HEPH: variants seen among roughly 807,000 people sequenced by gnomAD.
HEPH encodes the protein hephaestin.
In HEPH, 69 loss-of-function variants were observed where a neutral mutation model predicts 80.8. The observed-to-expected ratio is 0.85, with a 90% CI of 0.70 to 1.04. The LOEUF (loss-of-function observed/expected upper bound fraction) is 1.04. HEPH is among the 50% of genes least tolerant of loss of function. HEPH has a pLI of 0.00. For synonymous variants in HEPH, 431 were observed against 322.8 expected, an observed-to-expected ratio of 1.34 and a Z score of -3.60; for missense variants, 1,115 against 891.3, an observed-to-expected ratio of 1.25 and a Z score of -3.20.
chrX:66,226,211 G>C (rs1408907784), intron 15 of HEPH, among the ~76,000 whole-genome samples: 1 of 112,228 alleles, frequency 8.9e-6, no homozygotes, highest in Non-Finnish European at 1.9e-5. Context: ...TCTGCTTATG[G>C]AATTCATTTC....
In HEPH at chrX:66,165,729, A is replaced by G. The variant is rs770018649; in HGVS notation, c.-14+1259A>G. ...TGGCACAAGGTTTCAGTATATCTTA[A>G]CTAAACTATCCAAATAGCCTAGAAT... On this transcript the variant is annotated intron_variant, in intron 1 of 20. Transcript: ENST00000343002. 1.1e-3 allele frequency among the ~76,000 whole-genome samples: 120 copies of G among 111,639 alleles called. 1 individual carries two copies. The highest frequency in any genetic ancestry group is 2.1e-3 in the Non-Finnish European group (110 of 53,100).
chrX:66,266,921 C>A lies in HEPH; in HGVS notation c.*249C>A, dbSNP rs1054924357. ...GGGAGTACCTTATTATCCTACATCG[C>A]AAATTTCAACAGCTACATTATATTT... On this transcript the variant is annotated 3_prime_UTR_variant, in exon 21 of 21. Coordinates refer to ENST00000343002, the MANE Select transcript of HEPH (RefSeq NM_001367233.3). The A allele has an allele frequency of 6.2e-6, 2 of 323,907 alleles. No homozygotes were observed. Among genetic ancestry groups the A allele is most frequent in the Admixed American group, 5.4e-5 (1 of 18,370 alleles). 26.7% of individuals were successfully genotyped at this position (323,907 alleles called of 1,213,427 possible).
At chrX:66,260,406 G>T (rs1481557804) in intron 19 of HEPH, 144 bp downstream of exon 19, 5 of 438,451 alleles carry the variant, frequency 1.1e-5, no homozygotes, top group African/African-American at 2.5e-5. Flanking sequence ...CTCCCTCTAG[G>T]TATTGCCCCA....
intron 11 of HEPH, 46 bp downstream of exon 11, chrX:66,199,074 A>G (rs1309770457): frequency 5.3e-6 from 6 of 1,134,645 alleles, no homozygotes; most frequent in South Asian, 1.9e-5. Flanking sequence ...GGTCCCAAGT[A>G]AAATCTAACT....
At chrX:66,187,313 G>T (rs1174033433) in intron 4 of HEPH, among the ~76,000 whole-genome samples, 2 of 110,180 alleles carry the variant, frequency 1.8e-5, no homozygotes, top group Non-Finnish European at 3.8e-5. Flanking sequence ...TGATTTTTTT[G>T]GGGTGTTAAA....
intron 13 of HEPH, 117 bp from the exon 14 acceptor site, chrX:66,207,078 C>CCT: frequency 6.8e-6 from 3 of 444,028 alleles, no homozygotes; most frequent in Non-Finnish European, 1.0e-5. Flanking sequence ...GGTCCCCCCC[C>CCT]TTTTTTTTTT....
chrX:66,261,512 T>C (rs1485516893), intron 19 of HEPH, among the ~76,000 whole-genome samples: 1 of 104,493 alleles, frequency 9.6e-6, no homozygotes, highest in Admixed American at 1.1e-4. Flanking sequence ...GTAGAGCCTT[T>C]TGGGACCCAT....
At chrX:66,246,936 G>T (rs1466747831) in intron 15 of HEPH, among the ~76,000 whole-genome samples, 1 of 111,790 alleles carries the variant, frequency 8.9e-6, no homozygotes, top group Non-Finnish European at 1.9e-5. Flanking sequence ...GGGTCATTTT[G>T]TCAAATATAG....
chrX:66,256,626 A>G (rs906031788), intron 17 of HEPH, among the ~76,000 whole-genome samples: 1 of 111,908 alleles, frequency 8.9e-6, no homozygotes, highest in Non-Finnish European at 1.9e-5. Flanking sequence ...ATGGACATGT[A>G]TGACCTTCAA....
Position 66,203,294 on chromosome X carries a change from A to AG in HEPH, c.2078-68dup, listed in dbSNP as rs2088569547. ...TCTTTTCTGCAGTATGCCTAGGGAAAGGCAGGAAATCCCCCAGGCACTACC... is the reference window on the plus strand; with the variant it reads ...TCTTTTCTGCAGTATGCCTAGGGAAAGGGCAGGAAATCCCCCAGGCACTACC... On this transcript the variant is annotated intron_variant, in intron 12 of 20. Coordinates refer to ENST00000343002, the MANE Select transcript of HEPH (RefSeq NM_001367233.3). 12 of 949,707 alleles carry AG rather than the reference A, an allele frequency of 1.3e-5. 1 individual carries two copies. The East Asian group carries it at 1.6e-4, about 12-fold the overall frequency. The allele number at this position is 949,707 out of a possible 1,213,427, so 78.3% of individuals were successfully genotyped here. A position where few individuals can be genotyped will look rare whatever the true frequency, so the allele number is the denominator to read the frequency against.
chrX:66,194,106 G>A (rs746342983), intron 8 of HEPH, among the ~76,000 whole-genome samples: 22 of 111,946 alleles, frequency 2.0e-4, no homozygotes, highest in Admixed American at 1.7e-3. Flanking sequence ...TGAACTTGAA[G>A]AAGGTATCTA....
In HEPH at chrX:66,190,020, G is replaced by A. The variant is rs1041416644; in HGVS notation, c.1063+82G>A. ...AGGGAGGCTGGGTTTCTGGCCTGAAGCCATAAATAAGTCCTCCAGTTGAGG... is the reference window on the plus strand; with the variant it reads ...AGGGAGGCTGGGTTTCTGGCCTGAAACCATAAATAAGTCCTCCAGTTGAGG... On this transcript the variant is annotated intron_variant, in intron 6 of 20. Transcript: ENST00000343002. The A allele has an allele frequency of 4.0e-6, 4 of 996,737 alleles. No individual in the cohort carries two copies. In the African/African-American group the frequency reaches 6.0e-5, roughly 15 times the overall value. 82.1% of individuals were successfully genotyped at this position (996,737 alleles called of 1,213,427 possible).
chrX:66,212,582 C>T (rs2089188548), intron 15 of HEPH, among the ~76,000 whole-genome samples: 1 of 111,767 alleles, frequency 8.9e-6, no homozygotes, highest in East Asian at 2.8e-4. Context: ...TGTTCTTTCT[C>T]CAATGTAAGT....
At chrX:66,233,411 G>A (rs1375072780) in intron 15 of HEPH, among the ~76,000 whole-genome samples, 1 of 111,444 alleles carries the variant, frequency 9.0e-6, no homozygotes, top group East Asian at 2.8e-4. Flanking sequence ...GGGTCTGTGA[G>A]GAGGCTTTGT....
chrX:66,197,744 C>A lies in HEPH; in HGVS notation c.1563C>A (p.Val521=). Residue 521 remains valine (V), a synonymous_variant, in exon 10 of 21, where the codon GTC becomes GTA. Transcript: ENST00000343002. ...PFEKVTYRWT[V]PPHAGPTAQD... ...AGAAAGTAACATACCGCTGGACAGT[C>A]CCCCCTCATGCCGGTCCCACTGCTC... The A allele has an allele frequency of 8.3e-7, 1 of 1,210,934 alleles. No individual in the cohort carries two copies. Among genetic ancestry groups the A allele is most frequent in the Non-Finnish European group, 1.1e-6 (1 of 894,761 alleles).
intron 15 of HEPH, among the ~76,000 whole-genome samples, chrX:66,210,523 C>T (rs2089056374): frequency 9.0e-6 from 1 of 110,927 alleles, no homozygotes; most frequent in South Asian, 3.9e-4. Context: ...CATCCACATG[C>T]ACCTTGAAGT....
intron 13 of HEPH, among the ~76,000 whole-genome samples, chrX:66,205,354 C>T (rs188591239): frequency 9.6e-4 from 107 of 111,534 alleles, no homozygotes; most frequent in African/African-American, 3.4e-3. Flanking sequence ...TTTTTGTTTT[C>T]TGTTCCTGCA....
At chrX:66,205,293 C>G (rs2088703612) in intron 13 of HEPH, among the ~76,000 whole-genome samples, 1 of 111,747 alleles carries the variant, frequency 8.9e-6, no homozygotes, top group South Asian at 3.7e-4. Context: ...TTGTTGCCAT[C>G]TTTATGTCCA....
intron 15 of HEPH, among the ~76,000 whole-genome samples, chrX:66,222,796 G>A (rs747084609): frequency 8.9e-6 from 1 of 112,015 alleles, no homozygotes; most frequent in South Asian, 3.7e-4. Flanking sequence ...CTTTGACTTG[G>A]CAAGTCCCCA....
Sources: allele counts gnomAD v4.1 joint callset (sites outside exome capture counted in the v4.1 genomes callset), GRCh38; gene constraint gnomAD v4.1.1; transcripts MANE v1.5; gene names NCBI Gene and HGNC (gene_info 2026-07-23, HGNC 2026-07-21).